PDE4B: variants seen among roughly 807,000 people sequenced by gnomAD.
PDE4B encodes phosphodiesterase 4B, also known as 3',5'-cyclic-AMP phosphodiesterase 4B.
In PDE4B, 20 loss-of-function variants were observed where a neutral mutation model predicts 82.2. The observed-to-expected ratio is 0.24, with a 90% CI of 0.17 to 0.35. The LOEUF (loss-of-function observed/expected upper bound fraction) is 0.35, where lower values mean the gene tolerates loss of function less well. Among genes scored for constraint, PDE4B ranks in the 10% least tolerant of loss-of-function variants. The probability of loss-of-function intolerance (pLI) is 1.00; values close to 1 mark genes in which losing one functional copy is unlikely to be tolerated. For synonymous variants in PDE4B, 320 were observed against 318.9 expected, an observed-to-expected ratio of 1.00 and a Z score of -0.04; for missense variants, 655 against 907.2, an observed-to-expected ratio of 0.72 and a Z score of 3.57.
At chr1:66,152,871 T>C (rs1301047484) in intron 3 of PDE4B, among the ~76,000 whole-genome samples, 2 of 152,120 alleles carry the variant, frequency 1.3e-5, no homozygotes, top group Admixed American at 1.3e-4. Flanking sequence ...TCTTCTTCTC[T>C]GGGAAATGTG....
intron 1 of PDE4B, among the ~76,000 whole-genome samples, chr1:65,872,750 G>A (rs753574648): frequency 1.3e-5 from 2 of 152,088 alleles, no homozygotes; most frequent in Non-Finnish European, 2.9e-5. Flanking sequence ...CGTTGTGGTG[G>A]GATATAAAAA....
At chr1:65,909,822 C>A (rs1647067318) in intron 1 of PDE4B, among the ~76,000 whole-genome samples, 1 of 152,158 alleles carries the variant, frequency 6.6e-6, no homozygotes, top group Non-Finnish European at 1.5e-5. Context: ...CATTTAAAAA[C>A]TTTAGTATCT....
In PDE4B at chr1:66,254,275, G is replaced by A. The variant is rs141392823; in HGVS notation, c.477-3372G>A. On this transcript the variant is annotated intron_variant, in intron 4 of 16. Transcript: ENST00000341517. The stretch of plus-strand genomic sequence containing the variant: ...GAAAGCAAGAAAGAAGGAAAGAAAA[G>A]AATCAGAACAAACCACAAGATCTTC... Among the ~76,000 whole-genome samples the A allele has an allele frequency of 1.2e-3, 190 of 152,060 alleles. 1 individual carries two copies. The highest frequency in any genetic ancestry group is 4.3e-3 in the African/African-American group (177 of 41,496).
At chr1:66,093,837 C>A (rs1016347579) in intron 3 of PDE4B, among the ~76,000 whole-genome samples, 1 of 152,030 alleles carries the variant, frequency 6.6e-6, no homozygotes. Context: ...AAGCATAACA[C>A]AACTTATGCC....
chr1:66,053,983 A>G (rs1457585253), intron 3 of PDE4B, among the ~76,000 whole-genome samples: 2 of 152,278 alleles, frequency 1.3e-5, no homozygotes, highest in East Asian at 3.9e-4. Context: ...TCACACCATA[A>G]CAGTCTCAGG....
intron 3 of PDE4B, among the ~76,000 whole-genome samples, chr1:66,174,330 G>A (rs1417977387): frequency 6.6e-6 from 1 of 152,126 alleles, no homozygotes; most frequent in South Asian, 2.1e-4. Context: ...TGTGTTATAT[G>A]TATTCATTTT....
intron 1 of PDE4B, among the ~76,000 whole-genome samples, chr1:65,843,668 C>T (rs1646234757): frequency 6.6e-6 from 1 of 152,054 alleles, no homozygotes; most frequent in African/African-American, 2.4e-5. Context: ...TGTTGAAAGA[C>T]AGGATTTGTT....
At chr1:66,266,558 G>A (rs1655053195) in intron 7 of PDE4B, 1 of 379,714 alleles carries the variant, frequency 2.6e-6, no homozygotes, top group South Asian at 2.1e-5. Flanking sequence ...GAAACCAAAG[G>A]CTCTTTCCAG....
chr1:66,280,990 C>T (rs376000493), intron 7 of PDE4B, among the ~76,000 whole-genome samples: 5 of 152,126 alleles, frequency 3.3e-5, no homozygotes, highest in Non-Finnish European at 5.9e-5. Flanking sequence ...GGTACCTGCA[C>T]GGGCATCACA....
chr1:65,828,328 C>T (rs530148710), intron 1 of PDE4B, among the ~76,000 whole-genome samples: 1 of 152,232 alleles, frequency 6.6e-6, no homozygotes, highest in South Asian at 2.1e-4. Flanking sequence ...TCACTGCAAC[C>T]TCTGCCTCCC....
chr1:66,243,587 C>T (rs549862096), intron 3 of PDE4B, among the ~76,000 whole-genome samples: 3 of 152,252 alleles, frequency 2.0e-5, no homozygotes, highest in East Asian at 1.9e-4. Flanking sequence ...TGTCAGAGAG[C>T]GCATACTCTG....
intron 3 of PDE4B, among the ~76,000 whole-genome samples, chr1:66,071,579 C>T (rs1054844947): frequency 6.6e-6 from 1 of 152,056 alleles, no homozygotes; most frequent in Non-Finnish European, 1.5e-5. Flanking sequence ...TAAGTATTCC[C>T]TTAAGTGTCA....
chr1:66,135,173 T>C (rs1646031691), intron 3 of PDE4B, among the ~76,000 whole-genome samples: 2 of 152,206 alleles, frequency 1.3e-5, no homozygotes, highest in South Asian at 4.1e-4. Flanking sequence ...CATATCAATA[T>C]AGCTGGCACT....
chr1:66,199,709 G>C (rs1648701948), intron 3 of PDE4B, among the ~76,000 whole-genome samples: 1 of 151,956 alleles, frequency 6.6e-6, no homozygotes, highest in South Asian at 2.1e-4. Context: ...TTAAGTAGGA[G>C]ATTCACAAAT....
intron 1 of PDE4B, among the ~76,000 whole-genome samples, chr1:65,893,140 T>C (rs1359448003): frequency 6.6e-6 from 1 of 152,104 alleles, no homozygotes; most frequent in Non-Finnish European, 1.5e-5. Context: ...CACCAGTCTT[T>C]GGACATTTTA....
intron 3 of PDE4B, among the ~76,000 whole-genome samples, chr1:65,975,603 C>T (rs889221057): frequency 7.2e-5 from 11 of 152,210 alleles, no homozygotes; most frequent in African/African-American, 2.7e-4. Flanking sequence ...GCTCCCATTA[C>T]AGGCCCAGAG....
intron 4 of PDE4B, among the ~76,000 whole-genome samples, chr1:66,249,381 G>A (rs1380802934): frequency 1.3e-5 from 2 of 152,124 alleles, no homozygotes; most frequent in African/African-American, 2.4e-5. Flanking sequence ...CTAATTCCCT[G>A]GCTAAGAGCT....
In PDE4B at chr1:65,839,908, T is replaced by C. The variant is rs527243984; in HGVS notation, c.-71+46660T>C. Reference sequence around the variant, plus strand: ...CTCCAACAGTGTAAAAGTGTTCCTATTTCTCCACATCCTCTCCAGCATCTG... The same window carrying C: ...CTCCAACAGTGTAAAAGTGTTCCTACTTCTCCACATCCTCTCCAGCATCTG... On this transcript the variant is annotated intron_variant, in intron 1 of 16. Coordinates refer to ENST00000341517, the MANE Select transcript of PDE4B (RefSeq NM_002600.4). Among the ~76,000 whole-genome samples the C allele has an allele frequency of 3.3e-5, 5 of 152,336 alleles. No individual in the cohort carries two copies. The South Asian group carries it at 1.0e-3, about 32-fold the overall frequency.
chr1:65,845,212 T>C (rs367807562), intron 1 of PDE4B, among the ~76,000 whole-genome samples: 31 of 152,192 alleles, frequency 2.0e-4, no homozygotes, highest in South Asian at 4.1e-4. Context: ...TTAAACAACA[T>C]GCAGTACTTC....
Sources: gnomAD v4.1 joint callset for allele counts (sites outside exome capture counted in the v4.1 genomes callset) on GRCh38, gnomAD v4.1.1 for gene constraint, MANE v1.5 for transcripts, NCBI Gene and HGNC (gene_info 2026-07-23, HGNC 2026-07-21) for gene names.